The following HCK variants were observed in gnomAD, a reference collection of about 807,000 sequenced individuals.
HCK encodes HCK proto-oncogene, Src family tyrosine kinase.
In HCK, 40 loss-of-function variants were observed where a neutral mutation model predicts 70.4. That is an observed-to-expected ratio of 0.57 (90% CI 0.44 to 0.74). HCK has a LOEUF of 0.74. Ranked by LOEUF, HCK falls within the 30% of genes least tolerant of loss-of-function variation. HCK has a pLI of 0.00. For synonymous variants in HCK, 245 were observed against 263.2 expected (o/e 0.93, Z 0.67); for missense variants, 568 against 697.2 (o/e 0.81, Z 2.09).
At chr20:32,094,790 AAAGAAAGAAAGAAAGAAAG>A (rs1458547160) in intron 11 of HCK, among the ~76,000 whole-genome samples, 950 of 13,706 alleles carry the variant, frequency 0.069, 40 homozygotes, top group Non-Finnish European at 0.18. Flanking sequence ...AGAGAAAGAG[AAAGAAAGAAAGAAAGAAAG>A]AAAGAAAGAA....
intron 1 of HCK, among the ~76,000 whole-genome samples, chr20:32,059,511 C>CT (rs10557922): frequency 6.8e-6 from 1 of 147,126 alleles, no homozygotes; most frequent in Non-Finnish European, 1.5e-5. Context: ...CTCTCTCTCT[C>CT]TTTTTTTTTT....
intron 1 of HCK, among the ~76,000 whole-genome samples, chr20:32,067,249 C>G (rs920636093): frequency 6.6e-6 from 1 of 152,072 alleles, no homozygotes; most frequent in Non-Finnish European, 1.5e-5. Context: ...AACAAATTTT[C>G]CATCCTAATC....
intron 10 of HCK, among the ~76,000 whole-genome samples, chr20:32,091,284 G>A (rs2045860278): frequency 6.6e-6 from 1 of 152,216 alleles, no homozygotes; most frequent in Admixed American, 6.5e-5. Context: ...AGGCAAAAAA[G>A]CTGGGCCAAG....
intron 1 of HCK, among the ~76,000 whole-genome samples, chr20:32,053,130 A>G (rs1468418826): frequency 6.6e-6 from 1 of 152,178 alleles, no homozygotes; most frequent in Non-Finnish European, 1.5e-5. Flanking sequence ...AAACGGGGCT[A>G]TGAAGTCTTT....
intron 1 of HCK, among the ~76,000 whole-genome samples, chr20:32,059,182 G>A (rs1401462119): frequency 6.6e-6 from 1 of 152,226 alleles, no homozygotes; most frequent in Admixed American, 6.5e-5. Flanking sequence ...GAGGCCAAAT[G>A]CTGGCAGAGG....
chr20:32,057,280 A>T (rs2045286780), intron 1 of HCK, among the ~76,000 whole-genome samples: 1 of 152,208 alleles, frequency 6.6e-6, no homozygotes, highest in Admixed American at 6.5e-5. Flanking sequence ...CCTTCGGGTC[A>T]TGACAAGGCT....
At chr20:32,100,117 A>G (rs1198583005) in intron 12 of HCK, among the ~76,000 whole-genome samples, 2 of 152,180 alleles carry the variant, frequency 1.3e-5, no homozygotes, top group East Asian at 3.9e-4. Context: ...TACGTTGTGC[A>G]GCCTGGTCTC....
intron 1 of HCK, among the ~76,000 whole-genome samples, chr20:32,057,984 C>T (rs1447726810): frequency 1.3e-5 from 2 of 152,146 alleles, no homozygotes; most frequent in African/African-American, 2.4e-5. Context: ...TGCGCTAGGA[C>T]GTGCGCTCCT....
chr20:32,074,468 T>C (rs1050520422), intron 4 of HCK, among the ~76,000 whole-genome samples, 155 bp from the exon 5 acceptor site: 3 of 151,978 alleles, frequency 2.0e-5, no homozygotes, highest in Non-Finnish European at 4.4e-5. Flanking sequence ...ACCCTAATCA[T>C]GGCCACATGC....
At chr20:32,077,903 T>C (rs1351055433) in intron 5 of HCK, among the ~76,000 whole-genome samples, 3 of 152,222 alleles carry the variant, frequency 2.0e-5, no homozygotes, top group East Asian at 3.9e-4. Context: ...TATACAGTGG[T>C]CACTTAAGTT....
chr20:32,062,501 C>A (rs1194327709), intron 1 of HCK, among the ~76,000 whole-genome samples: 1 of 152,180 alleles, frequency 6.6e-6, no homozygotes, highest in African/African-American at 2.4e-5. Flanking sequence ...TCAGAGCCAG[C>A]CCTATGGCTC....
rs757231454 is a variant in HCK, at chr20:32,073,726, G to T, written c.237G>T (p.Glu79Asp). The T allele has an allele frequency of 6.4e-7, 1 of 1,556,974 alleles. No individual in the cohort carries two copies. The highest frequency in any genetic ancestry group is 1.7e-4 in the Middle Eastern group (1 of 5,908). ...TGTCTCCCTTCCCAGCAGGCTCTGA[G>T]GACATCATCGTGGTTGCCCTGTATG... The change falls in exon 4 of 13, where the codon GAG becomes GAT. Residue 79 changes from glutamate (E) to aspartate (D), a missense_variant. Glu to Asp is a conservative substitution (Grantham distance 45). This residue lies in a region of HCK where 318 missense variants were observed against 336.0 expected (regional missense o/e 0.95). Transcript: ENST00000375852.
At chr20:32,099,887 T>C (rs2046009674) in intron 12 of HCK, among the ~76,000 whole-genome samples, 1 of 139,352 alleles carries the variant, frequency 7.2e-6, no homozygotes, top group Non-Finnish European at 1.5e-5. Flanking sequence ...AAATCAGATC[T>C]TGTCCTTTCT....
At chr20:32,066,086 C>T (rs1017817862) in intron 1 of HCK, among the ~76,000 whole-genome samples, 4 of 152,022 alleles carry the variant, frequency 2.6e-5, no homozygotes, top group African/African-American at 9.7e-5. Flanking sequence ...TTTCTAAACT[C>T]ACTCAAACCA....
intron 1 of HCK, among the ~76,000 whole-genome samples, chr20:32,059,116 G>C (rs1437734842): frequency 6.6e-6 from 1 of 152,196 alleles, no homozygotes; most frequent in Non-Finnish European, 1.5e-5. Flanking sequence ...GATAGAGGCA[G>C]GGCACTGACA....
At chr20:32,076,305 G>A (rs2045625041) in intron 5 of HCK, among the ~76,000 whole-genome samples, 1 of 151,944 alleles carries the variant, frequency 6.6e-6, no homozygotes, top group Non-Finnish European at 1.5e-5. Flanking sequence ...TCCAGCCTGG[G>A]GGACAAGAGC....
chr20:32,059,429 CTTT>C (rs948031650), intron 1 of HCK, among the ~76,000 whole-genome samples: 2 of 145,490 alleles, frequency 1.4e-5, no homozygotes, highest in South Asian at 4.3e-4. Flanking sequence ...CTCTTTCTTT[CTTT>C]TTTCTTTCTT....
At chr20:32,091,921 G>C (rs1002497064) in intron 10 of HCK, among the ~76,000 whole-genome samples, 4 of 151,742 alleles carry the variant, frequency 2.6e-5, no homozygotes, top group African/African-American at 9.7e-5. Flanking sequence ...GGAGGCACAG[G>C]TTGCAGTAAG....
At chr20:32,062,768 C>T (rs901222957) in intron 1 of HCK, among the ~76,000 whole-genome samples, 1 of 152,120 alleles carries the variant, frequency 6.6e-6, no homozygotes, top group African/African-American at 2.4e-5. Flanking sequence ...AGTAGTCACT[C>T]GGGGATAAAG....
Sources: allele counts gnomAD v4.1 joint callset (sites outside exome capture counted in the v4.1 genomes callset), GRCh38; gene constraint gnomAD v4.1.1; regional missense constraint gnomAD v4.1.1; transcripts MANE v1.5; gene names NCBI Gene and HGNC (gene_info 2026-07-23, HGNC 2026-07-21).